Variants in TAFA2 observed in about 807,000 individuals in gnomAD.
The protein encoded by TAFA2 is chemokine-like protein TAFA-2.
TAFA2 carries 7 observed loss-of-function variants against 18.8 expected under a neutral mutation model. The ratio of observed to expected loss-of-function variants is 0.37; its 90% CI spans 0.21 to 0.70. TAFA2 has a LOEUF of 0.70. Ranked by LOEUF, TAFA2 falls within the 30% of genes least tolerant of loss-of-function variation. TAFA2 has a pLI of 0.53. For missense variants in TAFA2, 122 were observed against 158.1 expected, an observed-to-expected ratio of 0.77 and a Z score of 1.23; for synonymous variants, 60 against 54.2, an observed-to-expected ratio of 1.11 and a Z score of -0.47.
chr12:62,109,051 G>C (rs1869599979), intron 1 of TAFA2, among the ~76,000 whole-genome samples: 1 of 152,056 alleles, frequency 6.6e-6, no homozygotes, highest in East Asian at 1.9e-4. Context: ...TTAAGTCTTT[G>C]CCCATGCCTA....
chr12:61,863,072 T>C (rs559989379), intron 2 of TAFA2, among the ~76,000 whole-genome samples: 1 of 152,270 alleles, frequency 6.6e-6, no homozygotes, highest in African/African-American at 2.4e-5. Flanking sequence ...CCAACTGAAA[T>C]GACCAATTTA....
chr12:62,238,572 C>G (rs1421406762), intron 1 of TAFA2, among the ~76,000 whole-genome samples: 1 of 152,084 alleles, frequency 6.6e-6, no homozygotes, highest in Admixed American at 6.6e-5. Context: ...AGTAACTTGC[C>G]CAGAGTTAGA....
intron 2 of TAFA2, among the ~76,000 whole-genome samples, chr12:61,835,020 C>T (rs1463605412): frequency 6.6e-6 from 1 of 151,828 alleles, no homozygotes. Context: ...CTTTTGTTGT[C>T]TCAGCTGCTC....
At chr12:62,006,126 C>T (rs984214716) in intron 1 of TAFA2, among the ~76,000 whole-genome samples, 4 of 152,090 alleles carry the variant, frequency 2.6e-5, no homozygotes, top group African/African-American at 7.2e-5. Flanking sequence ...AAAATCTACC[C>T]TGGTGATGGT....
At chr12:61,856,742 T>G (rs903520331) in intron 2 of TAFA2, among the ~76,000 whole-genome samples, 1 of 151,878 alleles carries the variant, frequency 6.6e-6, no homozygotes, top group African/African-American at 2.4e-5. Flanking sequence ...AGAATTTGAG[T>G]CATTTGACCT....
chr12:61,888,254 C>G (rs914722471), intron 1 of TAFA2, among the ~76,000 whole-genome samples: 3 of 152,240 alleles, frequency 2.0e-5, no homozygotes, highest in African/African-American at 7.2e-5. Context: ...GACTATAAAT[C>G]ATGCTGCTAA....
At chr12:62,238,224 T>G (rs977835162) in intron 1 of TAFA2, among the ~76,000 whole-genome samples, 4 of 152,184 alleles carry the variant, frequency 2.6e-5, no homozygotes, top group Admixed American at 2.0e-4. Context: ...AAAAGTCCAT[T>G]TCTCTTATTG....
intron 4 of TAFA2, among the ~76,000 whole-genome samples, chr12:61,732,035 C>A (rs1201740593): frequency 6.6e-6 from 1 of 151,992 alleles, no homozygotes; most frequent in East Asian, 1.9e-4. Flanking sequence ...GTATTTTAGG[C>A]CCTGCCAAGA....
intron 2 of TAFA2, among the ~76,000 whole-genome samples, chr12:61,852,339 A>C (rs930123346): frequency 6.6e-6 from 1 of 152,198 alleles, no homozygotes; most frequent in African/African-American, 2.4e-5. Flanking sequence ...ATGGCAAGAA[A>C]GGTGTCAGAG....
At chr12:61,885,974 A>C (rs955709791) in intron 1 of TAFA2, among the ~76,000 whole-genome samples, 1 of 152,154 alleles carries the variant, frequency 6.6e-6, no homozygotes, top group African/African-American at 2.4e-5. Flanking sequence ...TCTTCACTCC[A>C]TCACAAGAAC....
rs180879989 is a variant in TAFA2 at position 61,842,329 on chromosome 12, C to A, written c.106+24991G>T. Among the ~76,000 whole-genome samples the A allele has an allele frequency of 2.6e-5, 4 of 151,928 alleles. No individual in the cohort carries two copies. The East Asian group carries it at 7.7e-4, about 29-fold the overall frequency. On this transcript the variant is annotated intron_variant, in intron 2 of 4. Transcript: ENST00000416284. ...ATGGCTAATATCAAGTGCAACTAAG[C>A]GCCCTTGTTCTAAAGGCAGATGCTA...
At chr12:61,896,912 T>C (rs1416969234) in intron 1 of TAFA2, among the ~76,000 whole-genome samples, 1 of 152,210 alleles carries the variant, frequency 6.6e-6, no homozygotes, top group East Asian at 1.9e-4. Context: ...AAATGGGGGA[T>C]ATAAAAGTTA....
In TAFA2 at chr12:62,155,347, C is replaced by T. The variant is rs553819077; in HGVS notation, c.-2+35912G>A. ...TCCCATGCTCATGGATGGGTAGTAT[C>T]AACACTGTGAAAATGGCCATACTAA... On this transcript the variant is annotated intron_variant, in intron 1 of 4. Coordinates refer to ENST00000416284, the MANE Select transcript of TAFA2 (RefSeq NM_178539.5). 1.9e-4 allele frequency among the ~76,000 whole-genome samples: 29 copies of T among 152,142 alleles called. 1 individual carries two copies. Among genetic ancestry groups the T allele is most frequent in the African/African-American group, 5.5e-4 (23 of 41,528 alleles).
chr12:61,763,973 TG>T (rs1269139801), intron 2 of TAFA2, among the ~76,000 whole-genome samples: 1 of 152,042 alleles, frequency 6.6e-6, no homozygotes, highest in African/African-American at 2.4e-5. Context: ...AAAACTGTGC[TG>T]ACTAAATGAT....
At chr12:61,932,934 A>T (rs925671089) in intron 1 of TAFA2, among the ~76,000 whole-genome samples, 25 of 152,182 alleles carry the variant, frequency 1.6e-4, no homozygotes, top group African/African-American at 6.0e-4. Context: ...CTGCTGTTAG[A>T]TCCTAGCAGG....
At chr12:61,758,839 G>T (rs913055455) in intron 2 of TAFA2, among the ~76,000 whole-genome samples, 10 of 152,016 alleles carry the variant, frequency 6.6e-5, no homozygotes, top group Admixed American at 1.3e-4. Flanking sequence ...AACCAGGGAT[G>T]TGAGTCATGA....
intron 1 of TAFA2, among the ~76,000 whole-genome samples, chr12:62,240,422 GAAAA>G (rs36059415): frequency 6.9e-6 from 1 of 145,746 alleles, no homozygotes; most frequent in East Asian, 2.0e-4. Flanking sequence ...CTGTCTCAGG[GAAAA>G]AAAAAAAACT....
upstream of TAFA2, among the ~76,000 whole-genome samples, chr12:62,196,313 G>A (rs2062649071): frequency 6.6e-6 from 1 of 152,130 alleles, no homozygotes. Context: ...CCTTATCATT[G>A]TGTGTTCACT....
At chr12:61,775,353 C>T (rs999547291) in intron 2 of TAFA2, among the ~76,000 whole-genome samples, 2 of 151,790 alleles carry the variant, frequency 1.3e-5, no homozygotes, top group Non-Finnish European at 2.9e-5. Flanking sequence ...AAAACATGCA[C>T]ATGGATATTT....
Sources: gnomAD v4.1 joint callset for allele counts (sites outside exome capture counted in the v4.1 genomes callset) on GRCh38, gnomAD v4.1.1 for gene constraint, MANE v1.5 for transcripts, NCBI Gene and HGNC (gene_info 2026-07-23, HGNC 2026-07-21) for gene names.